PTPRC: variants seen among roughly 807,000 people sequenced by gnomAD.
PTPRC encodes protein tyrosine phosphatase receptor type C.
In PTPRC, 44 loss-of-function variants were observed where a neutral mutation model predicts 155.9. That is an observed-to-expected ratio of 0.28 (90% CI 0.22 to 0.36). PTPRC has a LOEUF of 0.36. Among genes scored for constraint, PTPRC ranks in the 10% least tolerant of loss-of-function variants. The pLI, the probability that PTPRC is intolerant of heterozygous loss-of-function variation, is 1.00. For missense variants in PTPRC, 1,401 were observed against 1,564.6 expected (o/e 0.90, Z 1.76); for synonymous variants, 525 against 533.1 (o/e 0.98, Z 0.21).
At chr1:198,734,274 T>G in intron 21 of PTPRC, 42 bp downstream of exon 21, 1 of 1,609,480 alleles carries the variant, frequency 6.2e-7, no homozygotes, top group East Asian at 2.2e-5. Context: ...GAAAAATTTT[T>G]ATAGCACTTT....
chr1:198,743,944 G>C, intron 25 of PTPRC, 110 bp from the exon 26 acceptor site: 2 of 1,072,520 alleles, frequency 1.9e-6, no homozygotes, highest in South Asian at 1.4e-5. Context: ...ACTTTGCCAT[G>C]AATTGTTCCA....
chr1:198,731,806 C>T, intron 18 of PTPRC, 80 bp downstream of exon 18: 2 of 1,138,238 alleles, frequency 1.8e-6, no homozygotes, highest in Non-Finnish European at 2.7e-6. Flanking sequence ...TTGCCATTTG[C>T]CTTTATAATT....
chr1:198,734,929 G>A (rs931736349), intron 22 of PTPRC, among the ~76,000 whole-genome samples, 198 bp from the exon 23 acceptor site: 6 of 151,632 alleles, frequency 4.0e-5, no homozygotes, highest in Non-Finnish European at 7.4e-5. Context: ...AAGTATGAAG[G>A]AAATTCTTCA....
chr1:198,675,963 C>T lies in PTPRC; in HGVS notation c.74-16384C>T, dbSNP rs115466710. Among the ~76,000 whole-genome samples the T allele has an allele frequency of 3.0e-3, 452 of 152,260 alleles. 3 individuals carry two copies. The highest frequency in any genetic ancestry group is 0.01 in the African/African-American group (429 of 41,534). ...CTTAGACTGTACCTCAAGATCGAAGCTCTGGATGCTATCTGGAATTAAAAT... is the reference window on the plus strand; with the variant it reads ...CTTAGACTGTACCTCAAGATCGAAGTTCTGGATGCTATCTGGAATTAAAAT... On this transcript the variant is annotated intron_variant, in intron 2 of 32. Transcript: ENST00000442510.
chr1:198,693,796 C>T (rs1362822069), intron 3 of PTPRC, among the ~76,000 whole-genome samples: 1 of 152,118 alleles, frequency 6.6e-6, no homozygotes, highest in Non-Finnish European at 1.5e-5. Context: ...AAGATGTGTG[C>T]AAAGATATGA....
intron 11 of PTPRC, 50 bp downstream of exon 11, chr1:198,709,874 T>A (rs750451610): frequency 6.3e-7 from 1 of 1,591,386 alleles, no homozygotes; most frequent in South Asian, 1.1e-5. Context: ...CTCTTCATGT[T>A]CTTATAATTA....
At chr1:198,680,095 C>T (rs1557991783) in intron 2 of PTPRC, 5 of 420,600 alleles carry the variant, frequency 1.2e-5, no homozygotes, top group Non-Finnish European at 1.3e-5. Flanking sequence ...AAGGCGCAGG[C>T]GCAGCGGCGA....
chr1:198,729,184 AT>A lies in PTPRC; in HGVS notation c.1864+18del. The A allele has an allele frequency of 1.2e-6, 2 of 1,603,324 alleles. No individual in the cohort carries two copies. The highest frequency in any genetic ancestry group is 1.7e-6 in the Non-Finnish European group (2 of 1,174,196). ...CTTGTTGAAAGGGGTAAGTATGTAT[AT>A]TTTTGCTGATGACTATTCCTTCCCC... On this transcript the variant is annotated intron_variant, in intron 17 of 32. Transcript: ENST00000442510.
Position 198,731,732 on chromosome 1 carries a change from T to C in PTPRC, c.1974+6T>C. On this transcript the variant is annotated splice_donor_region_variant and intron_variant, in intron 18 of 32. Transcript: ENST00000442510. ...TTTTTCTGGCTGAATTTCAGGTGTG[T>C]GTTGCTTTTGTTATATGATGATAAA... The C allele has an allele frequency of 6.4e-7, 1 of 1,563,086 alleles. No individual in the cohort carries two copies. The highest frequency in any genetic ancestry group is 8.8e-7 in the Non-Finnish European group (1 of 1,134,272).
intron 2 of PTPRC, among the ~76,000 whole-genome samples, chr1:198,658,015 G>T (rs1355377806): frequency 6.6e-6 from 1 of 152,152 alleles, no homozygotes; most frequent in African/African-American, 2.4e-5. Flanking sequence ...CACCTTTCCA[G>T]GGGAGAGATG....
At chr1:198,726,917 C>T (rs548528372) in intron 15 of PTPRC, among the ~76,000 whole-genome samples, 5 of 145,528 alleles carry the variant, frequency 3.4e-5, no homozygotes, top group South Asian at 4.3e-4. Flanking sequence ...GGTTGGAGTA[C>T]AGTGGTGCAA....
chr1:198,742,639 G>A (rs1169403421), intron 25 of PTPRC, among the ~76,000 whole-genome samples: 1 of 151,756 alleles, frequency 6.6e-6, no homozygotes, highest in Non-Finnish European at 1.5e-5. Context: ...GGCAAAAAAA[G>A]TAAAAATGCT....
In PTPRC at chr1:198,732,546, G is replaced by A. The variant is rs766053951; in HGVS notation, c.2132G>A (p.Ser711Asn). The change falls in exon 20 of 33, where the codon AGC becomes AAC. Residue 711 changes from serine to asparagine, a missense_variant. Around this residue, in one of 3 missense-constraint regions of PTPRC, gnomAD observed 867 missense variants for 970.4 expected, o/e 0.89. Coordinates refer to ENST00000442510, the MANE Select transcript of PTPRC (RefSeq NM_002838.5). The stretch of plus-strand genomic sequence containing the variant: ...GCAGGGTCAAACTACATAAATGCCA[G>A]CTATATTGATGTGAGTAAAAATTTG... The part of the protein sequence containing the change: ...GDAGSNYINA[S>N]YIDGFKEPRK... The A allele has an allele frequency of 7.5e-6, 12 of 1,607,692 alleles. No individual in the cohort carries two copies. The highest frequency in any genetic ancestry group is 6.7e-5 in the African/African-American group (5 of 74,660).
At chr1:198,674,086 G>C (rs1327958663) in intron 2 of PTPRC, among the ~76,000 whole-genome samples, 1 of 152,174 alleles carries the variant, frequency 6.6e-6, no homozygotes, top group Non-Finnish European at 1.5e-5. Flanking sequence ...ACTAAACCCA[G>C]ATTTATCTTC....
At chr1:198,740,313 C>T (rs1654840807) in intron 23 of PTPRC, among the ~76,000 whole-genome samples, 1 of 151,874 alleles carries the variant, frequency 6.6e-6, no homozygotes, top group African/African-American at 2.4e-5. Context: ...TGCAGTGGCT[C>T]ATGCCTGTAA....
rs1160053102 is a variant in PTPRC, at chr1:198,756,259, A to C, written c.*78A>C. 2 of 1,547,488 alleles carry C rather than the reference A, an allele frequency of 1.3e-6. No individual in the cohort carries two copies. The highest frequency in any genetic ancestry group is 1.8e-5 in the Admixed American group (1 of 56,290). On this transcript the variant is annotated 3_prime_UTR_variant, in exon 33 of 33. Transcript: ENST00000442510. ...TTTTGTAGAAGTAGGAAGTGAAAAT[A>C]GGTATACAGTGGATTAATTAAATGC...
intron 15 of PTPRC, among the ~76,000 whole-genome samples, chr1:198,724,963 G>A (rs1275336706): frequency 5.9e-5 from 9 of 151,840 alleles, no homozygotes. Context: ...CACCACACCT[G>A]GCTAATTTTT....
At chr1:198,692,512 A>G in intron 3 of PTPRC, 139 bp downstream of exon 3, 3 of 1,109,150 alleles carry the variant, frequency 2.7e-6, no homozygotes, top group Non-Finnish European at 3.5e-6. Context: ...CTTGACATTC[A>G]CTTGTTCTTA....
intron 3 of PTPRC, chr1:198,694,116 C>T (rs1204068373): frequency 3.5e-5 from 54 of 1,544,782 alleles, no homozygotes; most frequent in East Asian, 5.0e-5. Flanking sequence ...GCCAAAGGCC[C>T]GAGAGCCCCT....
Sources: gnomAD v4.1 joint callset for allele counts (sites outside exome capture counted in the v4.1 genomes callset) on GRCh38, gnomAD v4.1.1 for gene constraint, gnomAD v4.1.1 regional missense constraint, MANE v1.5 for transcripts, NCBI Gene and HGNC (gene_info 2026-07-23, HGNC 2026-07-21) for gene names.